The following SPTA1 variants were observed in gnomAD, a reference collection of about 807,000 sequenced individuals.
The protein encoded by SPTA1 is spectrin alpha chain, erythrocytic 1.
Under a neutral mutation model 324.7 loss-of-function variants are expected in SPTA1, and 177 were observed. The observed-to-expected ratio is 0.55, with a 90% CI of 0.48 to 0.62. SPTA1 has a LOEUF of 0.62. Ranked by LOEUF, SPTA1 falls within the 20% of genes least tolerant of loss-of-function variation. The pLI is 0.00. For missense variants in SPTA1, 3,162 were observed against 2,883.6 expected, an observed-to-expected ratio of 1.10 and a Z score of -2.21; for synonymous variants, 1,195 against 1,041.3, an observed-to-expected ratio of 1.15 and a Z score of -2.84.
chr1:158,682,600 T>A, intron 3 of SPTA1, among the ~76,000 whole-genome samples: 1 of 152,292 alleles, frequency 6.6e-6, no homozygotes, highest in African/African-American at 2.4e-5. Flanking sequence ...TTTTATGCTA[T>A]ATATAGAAAG....
At chr1:158,643,899 G>A (rs555753200) in intron 30 of SPTA1, among the ~76,000 whole-genome samples, 1 of 152,188 alleles carries the variant, frequency 6.6e-6, no homozygotes, top group Admixed American at 6.5e-5. Flanking sequence ...CACTTTGGGA[G>A]GCCGAGGTAG....
intron 16 of SPTA1, among the ~76,000 whole-genome samples, chr1:158,663,908 T>C (rs1438698269): frequency 3.3e-5 from 5 of 152,218 alleles, no homozygotes; most frequent in Non-Finnish European, 7.3e-5. Context: ...CATCTGGCAC[T>C]TTGTTTTATT....
At chr1:158,666,823 G>A (rs1021162614) in intron 15 of SPTA1, among the ~76,000 whole-genome samples, 8 of 152,166 alleles carry the variant, frequency 5.3e-5, no homozygotes, top group Middle Eastern at 3.4e-3. Context: ...TCTTTTTCAA[G>A]GAAATTCAAA....
At chr1:158,671,243 G>A (rs1571505614) in intron 12 of SPTA1, 100 bp downstream of exon 12, 2 of 811,544 alleles carry the variant, frequency 2.5e-6, no homozygotes, top group South Asian at 2.9e-5. Context: ...CTCAGGCTAT[G>A]TCTGGTAGTT....
chr1:158,679,418 G>T (rs76512075), intron 5 of SPTA1, among the ~76,000 whole-genome samples: 3,532 of 152,204 alleles, frequency 0.023, 140 homozygotes, highest in African/African-American at 0.08. Context: ...TCTTTAACTT[G>T]CTTACTGATA....
chr1:158,639,340 A>G, intron 35 of SPTA1: 2 of 548,780 alleles, frequency 3.6e-6, no homozygotes, highest in South Asian at 2.1e-5. Flanking sequence ...GATAAAAAAG[A>G]TAGTTTCCCA....
At chr1:158,647,478 C>T (rs1652081252) in intron 27 of SPTA1, 61 bp downstream of exon 27, 11 of 1,594,526 alleles carry the variant, frequency 6.9e-6, no homozygotes, top group Middle Eastern at 2.2e-4. Context: ...CATCTGTACC[C>T]AGACTGCTCC....
chr1:158,643,944 C>T (rs979483284), intron 30 of SPTA1, among the ~76,000 whole-genome samples: 2 of 151,964 alleles, frequency 1.3e-5, no homozygotes, highest in African/African-American at 4.8e-5. Flanking sequence ...CGAGACCAGC[C>T]TGGCTAACAT....
chr1:158,614,399 G>A, intron 48 of SPTA1, 93 bp from the exon 49 acceptor site: 1 of 930,860 alleles, frequency 1.1e-6, no homozygotes, highest in South Asian at 1.4e-5. Flanking sequence ...AATTTTAATG[G>A]ACAATTTGCT....
chr1:158,662,373 G>A (rs1412661), intron 17 of SPTA1, among the ~76,000 whole-genome samples: 19,068 of 152,058 alleles, frequency 0.13, 3,979 homozygotes, highest in African/African-American at 0.43. Flanking sequence ...GCCAGCTACA[G>A]CCTAAACACA....
chr1:158,620,161 C>T lies in SPTA1; in HGVS notation c.6417+9G>A. 6.2e-7 allele frequency: 1 copy of T among 1,614,014 alleles called. No individual in the cohort carries two copies. Among genetic ancestry groups the T allele is most frequent in the Non-Finnish European group, 8.5e-7 (1 of 1,180,012 alleles). On this transcript the variant is annotated intron_variant, in intron 44 of 51. Transcript: ENST00000643759. ...AGTGAAAGGAAGTTTCTGCCGTGTT[C>T]CAGGTTACCTCAATGATGTCAGATA...
intron 39 of SPTA1, among the ~76,000 whole-genome samples, chr1:158,629,738 T>A (rs1229166582): frequency 6.6e-6 from 1 of 151,926 alleles, no homozygotes; most frequent in Non-Finnish European, 1.5e-5. Context: ...AGTGACATAA[T>A]CTTAAATACA....
intron 32 of SPTA1, 83 bp from the exon 33 acceptor site, chr1:158,642,625 C>A (rs1651690834): frequency 6.3e-7 from 1 of 1,587,112 alleles, no homozygotes; most frequent in African/African-American, 1.4e-5. Flanking sequence ...AAAGGAAGGG[C>A]TAATATTTCT....
intron 25 of SPTA1, 143 bp from the exon 26 acceptor site, chr1:158,648,796 T>C (rs1652199088): frequency 1.2e-6 from 1 of 868,502 alleles, no homozygotes; most frequent in Non-Finnish European, 1.8e-6. Flanking sequence ...ATCATTGTTT[T>C]TTATGTGCTA....
rs759655953 is a variant in SPTA1, at chr1:158,676,250, G to A, written c.1003C>T (p.Pro335Ser). ...AKAEKLTLSH[P>S]SDAPQIQEMK... The stretch of plus-strand genomic sequence containing the variant: ...TCCTGGATCTGAGGTGCATCTGAAG[G>A]ATGGGAAAGTGTCAGCTTCTCTGCT... Residue 335 changes from proline to serine, a missense_variant, in exon 8 of 52, where the codon CCT (proline) becomes TCT (serine). Transcript: ENST00000643759. The A allele has an allele frequency of 6.2e-7, 1 of 1,613,756 alleles. No individual in the cohort carries two copies. The highest frequency in any genetic ancestry group is 8.5e-7 in the Non-Finnish European group (1 of 1,179,788).
chr1:158,672,806 G>C (rs1230374031), intron 10 of SPTA1, among the ~76,000 whole-genome samples: 2 of 151,986 alleles, frequency 1.3e-5, no homozygotes, highest in African/African-American at 4.8e-5. Flanking sequence ...CGTCAAAAAA[G>C]CAGAATATGG....
At chr1:158,633,493 T>C (rs2101799439) in intron 39 of SPTA1, among the ~76,000 whole-genome samples, 1 of 151,894 alleles carries the variant, frequency 6.6e-6, no homozygotes, top group Non-Finnish European at 1.5e-5. Context: ...ACCCCTTGTC[T>C]ACTAAAAATA....
At chr1:158,682,152 G>A (rs1055544574) in intron 3 of SPTA1, among the ~76,000 whole-genome samples, 6 of 152,182 alleles carry the variant, frequency 3.9e-5, no homozygotes, top group African/African-American at 1.2e-4. Flanking sequence ...CAATAACAGT[G>A]TTTTGGGACT....
At position 158,648,508 on chromosome 1, in the gene SPTA1, C is replaced by T; in HGVS notation, c.3714+1G>A. The T allele has an allele frequency of 6.2e-7, 1 of 1,613,844 alleles. No homozygotes were observed. Among genetic ancestry groups the T allele is most frequent in the Non-Finnish European group, 8.5e-7 (1 of 1,179,836 alleles). On this transcript the variant is annotated splice_donor_variant, in intron 26 of 51. Coordinates refer to ENST00000643759, the MANE Select transcript of SPTA1 (RefSeq NM_003126.4). LOFTEE classifies it high-confidence loss of function. ...GAAAAGCTTTGAAGGACTTGTCTCACCTTATCTCCCAGGGGTACGAGGTCC... is the reference window on the plus strand; with the variant it reads ...GAAAAGCTTTGAAGGACTTGTCTCATCTTATCTCCCAGGGGTACGAGGTCC...
Sources: gnomAD v4.1 joint callset for allele counts (sites outside exome capture counted in the v4.1 genomes callset) on GRCh38, gnomAD v4.1.1 for gene constraint, MANE v1.5 for transcripts, NCBI Gene and HGNC (gene_info 2026-07-23, HGNC 2026-07-21) for gene names.